STXBP6: variants seen among roughly 807,000 people sequenced by gnomAD.
STXBP6 encodes syntaxin binding protein 6, also known as syntaxin-binding protein 6.
STXBP6 carries 21 observed loss-of-function variants against 26.9 expected under a neutral mutation model. The observed-to-expected ratio is 0.78, with a 90% confidence interval of 0.55 to 1.12. The LOEUF is 1.12. Among genes scored for constraint, STXBP6 ranks in the 50% most tolerant of loss-of-function variants. The pLI is 0.00. For synonymous variants in STXBP6, 97 were observed against 92.6 expected (o/e 1.05, Z -0.27); for missense variants, 232 against 257.9 (o/e 0.90, Z 0.69).
At chr14:25,043,395 A>C (rs936153364) in intron 1 of STXBP6, among the ~76,000 whole-genome samples, 1 of 152,188 alleles carries the variant, frequency 6.6e-6, no homozygotes, top group Non-Finnish European at 1.5e-5. Context: ...TTTTAAAAAA[A>C]CAAAAAACAA....
At chr14:24,965,238 A>G (rs2073696413) in intron 2 of STXBP6, among the ~76,000 whole-genome samples, 1 of 151,906 alleles carries the variant, frequency 6.6e-6, no homozygotes, top group Non-Finnish European at 1.5e-5. Flanking sequence ...AAGGAGAGGG[A>G]GAAAACCCCC....
intron 4 of STXBP6, among the ~76,000 whole-genome samples, chr14:24,834,155 C>T (rs911290348): frequency 3.9e-5 from 6 of 152,002 alleles, no homozygotes; most frequent in African/African-American, 7.3e-5. Context: ...CCACCATAAC[C>T]GGCTAATTTT....
At chr14:24,866,374 G>A (rs540541552) in intron 2 of STXBP6, among the ~76,000 whole-genome samples, 1 of 152,142 alleles carries the variant, frequency 6.6e-6, no homozygotes, top group South Asian at 2.1e-4. Context: ...GTATATATAT[G>A]TGCATGGTGT....
In STXBP6 at chr14:24,976,503, C is replaced by G. The variant is rs138163461; in HGVS notation, c.-32-1653G>C. ...TGCTCCAATCCCAACATTTTATCAT[C>G]ACCACCAGGTTCTTCATGCTGGCCA... is the stretch of plus-strand genomic sequence containing the variant. On this transcript the variant is annotated intron_variant, in intron 1 of 5. Coordinates refer to ENST00000323944, the MANE Select transcript of STXBP6 (RefSeq NM_001394410.1). Among the ~76,000 whole-genome samples the G allele has an allele frequency of 3.8e-4, 58 of 152,292 alleles. No individual in the cohort carries two copies. In the Middle Eastern group the frequency reaches 0.024, roughly 63 times the overall value.
At chr14:24,958,379 C>T (rs1309710311) in intron 2 of STXBP6, among the ~76,000 whole-genome samples, 2 of 152,062 alleles carry the variant, frequency 1.3e-5, no homozygotes, top group Admixed American at 1.3e-4. Context: ...CTGCTTGTGA[C>T]CTATAAGGTA....
At chr14:24,877,110 CG>C (rs1248435877) in intron 2 of STXBP6, among the ~76,000 whole-genome samples, 1 of 152,106 alleles carries the variant, frequency 6.6e-6, no homozygotes, top group Non-Finnish European at 1.5e-5. Flanking sequence ...ATTAATATAG[CG>C]TGGTTAAACA....
chr14:25,017,715 A>T (rs1176335926), intron 1 of STXBP6, among the ~76,000 whole-genome samples: 1 of 152,174 alleles, frequency 6.6e-6, no homozygotes, highest in Non-Finnish European at 1.5e-5. Context: ...TGCTTTCAAG[A>T]GAGTTTTCTT....
intron 4 of STXBP6, among the ~76,000 whole-genome samples, chr14:24,827,071 C>G (rs1016767122): frequency 6.6e-6 from 1 of 152,088 alleles, no homozygotes; most frequent in Non-Finnish European, 1.5e-5. Flanking sequence ...CTTGGCAGTG[C>G]ATGCCTATAG....
rs563350145 is a variant in STXBP6 at position 25,023,966 on chromosome 14, C to A, written c.-33+25912G>T. On this transcript the variant is annotated intron_variant, in intron 1 of 5. Coordinates refer to ENST00000323944, the MANE Select transcript of STXBP6 (RefSeq NM_001394410.1). ...AGATGCATGATTATTTTATGTACCACTATACTAGGAGGAAAAAACACCACA... is the reference window on the plus strand; with the variant it reads ...AGATGCATGATTATTTTATGTACCAATATACTAGGAGGAAAAAACACCACA... Among the ~76,000 whole-genome samples, 3 of 152,280 alleles carry A rather than the reference C, an allele frequency of 2.0e-5. No homozygotes were observed. The South Asian group carries it at 6.2e-4, about 32-fold the overall frequency.
intron 2 of STXBP6, among the ~76,000 whole-genome samples, chr14:24,924,002 C>T (rs2072073786): frequency 1.3e-5 from 2 of 151,966 alleles, no homozygotes; most frequent in Non-Finnish European, 2.9e-5. Flanking sequence ...AAATAAGAAC[C>T]AATTCCCACA....
At chr14:24,823,384 T>C (rs950699820) in intron 4 of STXBP6, among the ~76,000 whole-genome samples, 1 of 152,130 alleles carries the variant, frequency 6.6e-6, no homozygotes, top group African/African-American at 2.4e-5. Flanking sequence ...AAGAAGCACA[T>C]GCAATACACC....
chr14:24,897,446 A>G (rs1199750048), intron 2 of STXBP6, among the ~76,000 whole-genome samples: 7 of 151,778 alleles, frequency 4.6e-5, no homozygotes, highest in Non-Finnish European at 1.0e-4. Flanking sequence ...AAAAAAAGAA[A>G]AAGTTTTTTT....
intron 2 of STXBP6, among the ~76,000 whole-genome samples, chr14:24,973,375 CTTCCTT>C (rs1179342990): frequency 0.034 from 4,560 of 134,416 alleles, 304 homozygotes; most frequent in African/African-American, 0.13. Flanking sequence ...TAAAAGCTTT[CTTCCTT>C]TTTTTTTTTT....
intron 1 of STXBP6, among the ~76,000 whole-genome samples, chr14:25,034,086 G>A (rs774235703): frequency 3.3e-5 from 5 of 152,118 alleles, no homozygotes; most frequent in Admixed American, 6.5e-5. Flanking sequence ...GACATGAAAC[G>A]GACAAGGAAA....
At chr14:24,893,947 A>G (rs539340996) in intron 2 of STXBP6, among the ~76,000 whole-genome samples, 1 of 152,338 alleles carries the variant, frequency 6.6e-6, no homozygotes, top group South Asian at 2.1e-4. Context: ...AATATAAATA[A>G]GAATAAAAAT....
intron 1 of STXBP6, among the ~76,000 whole-genome samples, chr14:24,986,219 G>A (rs1489690906): frequency 6.6e-6 from 1 of 152,116 alleles, no homozygotes; most frequent in Non-Finnish European, 1.5e-5. Context: ...TTAACTCTTG[G>A]CTATCACCTT....
chr14:25,004,456 ATGGGTGTGTAC>A (rs1419750020), intron 1 of STXBP6, among the ~76,000 whole-genome samples: 1 of 152,252 alleles, frequency 6.6e-6, no homozygotes. Flanking sequence ...AATACTAAGC[ATGGGTGTGTAC>A]TGGACCTTGT....
At chr14:24,938,630 C>T (rs1038358708) in intron 2 of STXBP6, among the ~76,000 whole-genome samples, 1 of 149,996 alleles carries the variant, frequency 6.7e-6, no homozygotes, top group Non-Finnish European at 1.5e-5. Flanking sequence ...CAAAGTTAGT[C>T]CATTATACCA....
At chr14:24,995,974 CATCA>C (rs554110453) in intron 1 of STXBP6, among the ~76,000 whole-genome samples, 25 of 152,054 alleles carry the variant, frequency 1.6e-4, no homozygotes, top group Non-Finnish European at 3.2e-4. Flanking sequence ...AAGAAAAGTG[CATCA>C]ATTAGGTAAA....
Sources: gnomAD v4.1 joint callset for allele counts (sites outside exome capture counted in the v4.1 genomes callset) on GRCh38, gnomAD v4.1.1 for gene constraint, MANE v1.5 for transcripts, NCBI Gene and HGNC (gene_info 2026-07-23, HGNC 2026-07-21) for gene names.